The following NEB variants were observed in gnomAD, a reference collection of about 807,000 sequenced individuals.
NEB encodes nemaline myopathy type 2.
Under a neutral mutation model 952.2 loss-of-function variants are expected in NEB, and 512 were observed. The observed-to-expected ratio is 0.54, with a 90% CI of 0.50 to 0.58. The LOEUF is 0.58. Ranked by LOEUF, NEB falls within the 20% of genes least tolerant of loss-of-function variation. The pLI, the probability that NEB is intolerant of heterozygous loss-of-function variation, is 0.00. For synonymous variants in NEB, 2,900 were observed against 3,149.8 expected, an observed-to-expected ratio of 0.92 and a Z score of 2.66; for missense variants, 8,428 against 9,231.1, an observed-to-expected ratio of 0.91 and a Z score of 3.56.
rs12618365 is a variant in NEB at position 151,718,130 on chromosome 2, G to A, written c.718-610C>T. ...GGCCTCCCAAAGTGCTGGGATTACAGGCGTGAGCCACCGCGCCTGGCCAAC... is the reference window on the plus strand; with the variant it reads ...GGCCTCCCAAAGTGCTGGGATTACAAGCGTGAGCCACCGCGCCTGGCCAAC... On this transcript the variant is annotated intron_variant, in intron 9 of 181. Coordinates refer to ENST00000397345, the MANE Select transcript of NEB (RefSeq NM_001164508.2). Among the ~76,000 whole-genome samples, 359 of 152,282 alleles carry A rather than the reference G, an allele frequency of 2.4e-3. 14 individuals carry two copies. In the East Asian group the frequency reaches 0.062, roughly 26 times the overall value.
At chr2:151,542,440 T>C (rs2094187727) in intron 135 of NEB, among the ~76,000 whole-genome samples, 1 of 152,232 alleles carries the variant, frequency 6.6e-6, no homozygotes, top group African/African-American at 2.4e-5. Flanking sequence ...TGATTTACCA[T>C]GTTCAATATA....
At chr2:151,681,664 C>T (rs1005398802) in intron 29 of NEB, among the ~76,000 whole-genome samples, 2 of 152,190 alleles carry the variant, frequency 1.3e-5, no homozygotes, top group Admixed American at 6.5e-5. Context: ...CCTCATACCA[C>T]ACCTCTGTCC....
intron 77 of NEB, among the ~76,000 whole-genome samples, chr2:151,612,641 C>A (rs2098029690): frequency 6.6e-6 from 1 of 152,116 alleles, no homozygotes; most frequent in South Asian, 2.1e-4. Context: ...GTGATAAAAA[C>A]CACCTTAAGG....
At chr2:151,717,854 TC>T (rs2099763459) in intron 9 of NEB, among the ~76,000 whole-genome samples, 1 of 105,810 alleles carries the variant, frequency 9.5e-6, no homozygotes, top group Non-Finnish European at 2.3e-5. Flanking sequence ...CCTCCTTTGT[TC>T]TTTTTTTTTT....
In NEB at chr2:151,575,304, A is replaced by AC. The variant is rs200664249; in HGVS notation, c.17013+390dup. Among the ~76,000 whole-genome samples the AC allele has an allele frequency of 5.2e-3, 789 of 150,982 alleles. 8 individuals carry two copies. The highest frequency in any genetic ancestry group is 0.018 in the African/African-American group (736 of 41,068). On this transcript the variant is annotated intron_variant, in intron 107 of 181. Coordinates refer to ENST00000397345, the MANE Select transcript of NEB (RefSeq NM_001164508.2). ...TTGGTCACTTATGATTTTCTAGAAA[A>AC]CCCCCCGAGGTCCATGTTTTAAAAT... is the stretch of plus-strand genomic sequence containing the variant.
Position 151,640,396 on chromosome 2 carries a change from C to T in NEB, c.8644G>A (p.Asp2882Asn), listed in dbSNP as rs200729207. 7.1e-4 allele frequency: 1,147 copies of T among 1,613,830 alleles called. No homozygotes were observed. Among genetic ancestry groups the T allele is most frequent in the Non-Finnish European group, 8.6e-4 (1,020 of 1,179,882 alleles). ...HQWTCLPDQS[D>N]VIHARQAYDL... ...TAGGCCTGCCGAGCATGGATGACGT[C>T]GCTCTGGTCGGGCAGGCATGTCCAC... The change falls in exon 61 of 182, where the codon GAC (aspartate) becomes AAC (asparagine). Residue 2882 changes from aspartate to asparagine, a missense_variant. Asp to Asn is a conservative substitution (Grantham distance 23). Coordinates refer to ENST00000397345, the MANE Select transcript of NEB (RefSeq NM_001164508.2).
chr2:151,667,818 T>C lies in NEB; in HGVS notation c.4705A>G (p.Asn1569Asp). 1 of 1,612,474 alleles carries C rather than the reference T, an allele frequency of 6.2e-7. No homozygotes were observed. The highest frequency in any genetic ancestry group is 8.5e-7 in the Non-Finnish European group (1 of 1,178,756). Reference sequence around the variant, plus strand: ...GTTAGACTTACATCACTAGCAATATTCCTTGAACTTTTTGCAGCAACAATT... The same window carrying C: ...GTTAGACTTACATCACTAGCAATATCCCTTGAACTTTTTGCAGCAACAATT... Reference protein sequence around the residue: ...IPIVAAKSSRNIASDCKYKEA... With the variant: ...IPIVAAKSSRDIASDCKYKEA... The change falls in exon 40 of 182, where the codon AAT (asparagine) becomes GAT (aspartate). Residue 1569 changes from asparagine (N) to aspartate (D), a missense_variant. Physicochemically the swap from Asn to Asp is conservative, Grantham distance 23. Coordinates refer to ENST00000397345, the MANE Select transcript of NEB (RefSeq NM_001164508.2).
In NEB at chr2:151,526,152, G is replaced by A; in HGVS notation, c.22050+6C>T. 2 of 1,613,774 alleles carry A rather than the reference G, an allele frequency of 1.2e-6. No homozygotes were observed. Among genetic ancestry groups the A allele is most frequent in the South Asian group, 1.1e-5 (1 of 91,070 alleles). On this transcript the variant is annotated splice_donor_region_variant and intron_variant, in intron 149 of 181. Transcript: ENST00000397345. ...GAAGCAGAACTCATGGGCGGCTGGG[G>A]GTTACCTCAGACACCAGGTTGCTGA...
At position 151,650,702 on chromosome 2, in the gene NEB, C is replaced by A; in HGVS notation, c.7099G>T (p.Val2367Leu). Residue 2367 changes from valine (V) to leucine (L), a missense_variant, in exon 53 of 182, where the codon GTA (valine) becomes TTA (leucine). Transcript: ENST00000397345. ...FSSPVDMLGV[V>L]LAKKCQELVS... Reference sequence around the variant, plus strand: ...AACTCCTGACACTTCTTGGCCAGTACCACTCCCAACATGTCCACTGGGCTG... The same window carrying A: ...AACTCCTGACACTTCTTGGCCAGTAACACTCCCAACATGTCCACTGGGCTG... The A allele has an allele frequency of 6.2e-7, 1 of 1,613,906 alleles. No homozygotes were observed. The highest frequency in any genetic ancestry group is 8.5e-7 in the Non-Finnish European group (1 of 1,179,848).
rs1269081768 is a variant in NEB at position 151,565,572 on chromosome 2, G to A, written c.18295C>T (p.Pro6099Ser). Residue 6099 changes from proline (P) to serine (S), a missense_variant, in exon 116 of 182, where the codon CCT becomes TCT. Pro to Ser is a moderately conservative substitution (Grantham distance 74, BLOSUM62 -1). Transcript: ENST00000397345. The part of the protein sequence containing the change: ...KYKKNALENY[P>S]NFRSVVDPPE... ...GGATCCACCACACTTCTAAAGTTAG[G>A]ATAGTTTTCAAGGGCATTTTTCTTA... is the stretch of plus-strand genomic sequence containing the variant. 6.2e-7 allele frequency: 1 copy of A among 1,600,180 alleles called. No homozygotes were observed. Among genetic ancestry groups the A allele is most frequent in the Non-Finnish European group, 8.6e-7 (1 of 1,168,686 alleles).
At chr2:151,524,072 A>G (rs2083826991) in intron 153 of NEB, among the ~76,000 whole-genome samples, 1 of 152,216 alleles carries the variant, frequency 6.6e-6, no homozygotes, top group African/African-American at 2.4e-5. Flanking sequence ...AAGATAGTTA[A>G]GCACACAGAC....
chr2:151,722,691 G>A (rs2099778155), intron 9 of NEB, among the ~76,000 whole-genome samples: 1 of 152,050 alleles, frequency 6.6e-6, no homozygotes, highest in South Asian at 2.1e-4. Flanking sequence ...CTACAGGCAT[G>A]CACCCCCACA....
At chr2:151,562,504 A>C in intron 120 of NEB, 107 bp downstream of exon 120, 1 of 1,181,628 alleles carries the variant, frequency 8.5e-7, no homozygotes, top group Non-Finnish European at 1.2e-6. Flanking sequence ...AAGCAGCAAG[A>C]TTTATGAATA....
chr2:151,681,504 A>C (rs1352910507), intron 29 of NEB, among the ~76,000 whole-genome samples: 1 of 152,212 alleles, frequency 6.6e-6, no homozygotes, highest in African/African-American at 2.4e-5. Flanking sequence ...CATGTTGTAC[A>C]TCCCAGTTAG....
chr2:151,552,716 G>A lies in NEB; in HGVS notation c.19792C>T (p.Pro6598Ser). 1 of 1,613,386 alleles carries A rather than the reference G, an allele frequency of 6.2e-7. No individual in the cohort carries two copies. The highest frequency in any genetic ancestry group is 8.5e-7 in the Non-Finnish European group (1 of 1,179,568). ...RNDYKLVTDT[P>S]VYVQAVKSGK... ...CTTTTGACAGCCTGCACGTAGACTG[G>A]TGTATCTGTGACAAGCTTGTAGTCA... Residue 6598 changes from proline (P) to serine (S), a missense_variant, in exon 128 of 182, where the codon CCA (proline) becomes TCA (serine). Coordinates refer to ENST00000397345, the MANE Select transcript of NEB (RefSeq NM_001164508.2).
In NEB at chr2:151,493,779, C is replaced by T. The variant is rs1456046877; in HGVS notation, c.24668G>A (p.Ser8223Asn). 7 of 1,567,904 alleles carry T rather than the reference C, an allele frequency of 4.5e-6. No individual in the cohort carries two copies. In the East Asian group the frequency reaches 1.1e-4, roughly 26 times the overall value. Residue 8223 changes from serine to asparagine, a missense_variant, in exon 175 of 182, where the codon AGC becomes AAC. Physicochemically the swap from Ser to Asn is conservative, Grantham distance 46 (BLOSUM62 1). Transcript: ENST00000397345. ...ERVKRNQENFSSVLYKENMRK... is the reference protein window; with the variant it reads ...ERVKRNQENFNSVLYKENMRK... ...TATTTTTCCTTTCTAAAATACCGAG[C>T]TAAAGTTTTCTTGATTGCGTTTCAC...
At position 151,490,087 on chromosome 2, in the gene NEB, AGG is replaced by A. The variant is rs34415027; in HGVS notation, c.25298-12_25298-11del. The A allele has an allele frequency of 3.8e-6, 6 of 1,587,230 alleles. No homozygotes were observed. Among genetic ancestry groups the A allele is most frequent in the Admixed American group, 1.7e-5 (1 of 57,812 alleles). ...TTTGCATGTTTGTAAGCTGAAAAAAAGGGGGCAAATTCTTTATAAGAAGAAAA... is the reference window on the plus strand; with the variant it reads ...TTTGCATGTTTGTAAGCTGAAAAAAAGGGCAAATTCTTTATAAGAAGAAAA... On this transcript the variant is annotated splice_polypyrimidine_tract_variant and intron_variant, in intron 180 of 181. Coordinates refer to ENST00000397345, the MANE Select transcript of NEB (RefSeq NM_001164508.2).
At chr2:151,677,481 A>G (rs1415719545) in intron 34 of NEB, 84 bp downstream of exon 34, 1 of 1,047,404 alleles carries the variant, frequency 9.5e-7, no homozygotes, top group Non-Finnish European at 1.3e-6. Context: ...ATATTGGCCC[A>G]GAAAAAAAAT....
chr2:151,506,141 G>C (rs1321125901), intron 164 of NEB, 25 bp downstream of exon 164: 1 of 1,551,024 alleles, frequency 6.4e-7, no homozygotes, highest in Admixed American at 1.7e-5. Flanking sequence ...AGAAAATATT[G>C]CAAGTGCATT....
Sources: gnomAD v4.1 joint callset for allele counts (sites outside exome capture counted in the v4.1 genomes callset) on GRCh38, gnomAD v4.1.1 for gene constraint, MANE v1.5 for transcripts, NCBI Gene and HGNC (gene_info 2026-07-23, HGNC 2026-07-21) for gene names.